The following HEATR6 variants were observed in gnomAD, a reference collection of about 807,000 sequenced individuals.
HEATR6 encodes the protein HEAT repeat-containing protein 6.
A neutral mutation model predicts 132.8 loss-of-function variants in HEATR6; 106 were observed. The ratio of observed to expected loss-of-function variants is 0.80; its 90% CI spans 0.68 to 0.94. HEATR6 has a LOEUF of 0.94. Ranked by LOEUF, HEATR6 falls within the 40% of genes least tolerant of loss-of-function variation. The pLI is 0.00. For synonymous variants in HEATR6, 529 were observed against 537.8 expected, an observed-to-expected ratio of 0.98 and a Z score of 0.23; for missense variants, 1,339 against 1,425.1, an observed-to-expected ratio of 0.94 and a Z score of 0.97.
chr17:60,077,000 G>A (rs535822239), intron 1 of HEATR6, among the ~76,000 whole-genome samples: 4 of 150,282 alleles, frequency 2.7e-5, no homozygotes, highest in Non-Finnish European at 4.4e-5. Context: ...TTCATCCATC[G>A]ATGTTTATAG....
rs1240042852 is a variant in HEATR6, at chr17:60,046,202, C to G, written c.2797G>C (p.Gly933Arg). 1 of 1,613,546 alleles carries G rather than the reference C, an allele frequency of 6.2e-7. No homozygotes were observed. ...GGTTGCAGAAAATGAAGCAAATTTC[C>G]AAGGGCCCGGACTGCATTGCTTTTT... ...KVKSNAVRAL[G>R]NLLHFLQPSH... Residue 933 changes from glycine (G) to arginine (R), a missense_variant, in exon 19 of 20, where the codon GGA becomes CGA. Gly to Arg is a moderately radical substitution (Grantham distance 125). Coordinates refer to ENST00000184956, the MANE Select transcript of HEATR6 (RefSeq NM_022070.5).
intron 9 of HEATR6, among the ~76,000 whole-genome samples, chr17:60,060,850 T>C (rs1598912515): frequency 6.6e-6 from 1 of 152,184 alleles, no homozygotes; most frequent in East Asian, 1.9e-4. Context: ...AGGAATACCA[T>C]TAAGTACAAT....
At chr17:60,068,737 T>C (rs1325951004) in intron 7 of HEATR6, among the ~76,000 whole-genome samples, 1 of 151,954 alleles carries the variant, frequency 6.6e-6, no homozygotes, top group East Asian at 1.9e-4. Context: ...TCATTCCTCC[T>C]TGTCTGTACT....
rs113178286 is a variant in HEATR6, at chr17:60,042,860, C to T, written c.*703G>A. Among the ~76,000 whole-genome samples the T allele has an allele frequency of 8.5e-5, 5 of 58,664 alleles. No individual in the cohort carries two copies. The highest frequency in any genetic ancestry group is 5.3e-4 in the East Asian group (1 of 1,898). 38.5% of individuals were successfully genotyped at this position (58,664 alleles called of 152,430 possible). Reference sequence around the variant, plus strand: ...TCGGTCCTGTGCGGCTGTGAGGCACCGTCAGCATCCTCGCGTCCTGTGTGG... The same window carrying T: ...TCGGTCCTGTGCGGCTGTGAGGCACTGTCAGCATCCTCGCGTCCTGTGTGG... On this transcript the variant is annotated 3_prime_UTR_variant, in exon 20 of 20. Transcript: ENST00000184956.
intron 8 of HEATR6, 39 bp from the exon 9 acceptor site, chr17:60,066,425 A>C: frequency 6.9e-7 from 1 of 1,455,296 alleles, no homozygotes; most frequent in Non-Finnish European, 9.3e-7. Context: ...ACACTTAAAA[A>C]ATCATTTTTT....
intron 9 of HEATR6, among the ~76,000 whole-genome samples, chr17:60,064,170 A>C (rs887560779): frequency 6.6e-6 from 1 of 152,122 alleles, no homozygotes; most frequent in Non-Finnish European, 1.5e-5. Flanking sequence ...TTAGCCAGGC[A>C]TGGTGGTGCA....
chr17:60,073,782 T>G lies in HEATR6; in HGVS notation c.432A>C (p.Ala144=). The change falls in exon 3 of 20, where the codon GCA becomes GCC. Residue 144 remains alanine, a synonymous_variant. Coordinates refer to ENST00000184956, the MANE Select transcript of HEATR6 (RefSeq NM_022070.5). ...TGGAGCCATTGCAGTACACCAGAGC[T>G]GCCAGGGCTTGAAGAATTTCCCTGT... ...WTHREILQAL[A]ALVYCNGSKC... is the part of the protein sequence containing the mutation. The G allele has an allele frequency of 3.7e-6, 6 of 1,614,128 alleles. No individual in the cohort carries two copies. Among genetic ancestry groups the G allele is most frequent in the Non-Finnish European group, 5.1e-6 (6 of 1,179,984 alleles).
intron 6 of HEATR6, among the ~76,000 whole-genome samples, 186 bp from the exon 7 acceptor site, chr17:60,070,034 A>C (rs948089797): frequency 1.7e-4 from 26 of 152,244 alleles, no homozygotes; most frequent in Admixed American, 2.6e-4. Context: ...CATAGGGCTT[A>C]AAGAAGAGCT....
chr17:60,073,915 A>G, intron 2 of HEATR6, 29 bp from the exon 3 acceptor site: 1 of 1,601,072 alleles, frequency 6.2e-7, no homozygotes, highest in Non-Finnish European at 8.5e-7. Flanking sequence ...ATATATTCTG[A>G]TCTAACTTTT....
Position 60,059,943 on chromosome 17 carries a change from A to C in HEATR6, c.1570T>G (p.Leu524Val), listed in dbSNP as rs1200361277. 1.2e-6 allele frequency: 2 copies of C among 1,613,878 alleles called. No individual in the cohort carries two copies. The highest frequency in any genetic ancestry group is 2.2e-5 in the East Asian group (1 of 44,878). ...GATGACTCCGCCACCAAAGCTAACA[A>C]AAGACATCTGTGCAACTCTCTAATG... Reference protein sequence around the residue: ...CSIRELHRCLLLALVAESSSQ... With the variant: ...CSIRELHRCLVLALVAESSSQ... The change falls in exon 10 of 20, where the codon TTG (leucine) becomes GTG (valine). Residue 524 changes from leucine (L) to valine (V), a missense_variant. Leu to Val is a conservative substitution (Grantham distance 32). Transcript: ENST00000184956.
intron 2 of HEATR6, chr17:60,074,099 A>G: frequency 7.9e-7 from 1 of 1,265,868 alleles, no homozygotes; most frequent in Non-Finnish European, 9.9e-7. Flanking sequence ...CTTCCTCTTT[A>G]GTAAAGTAGA....
Position 60,059,434 on chromosome 17 carries a change from T to C in HEATR6, c.1711A>G (p.Ile571Val), listed in dbSNP as rs781116023. 6.2e-7 allele frequency: 1 copy of C among 1,610,882 alleles called. No individual in the cohort carries two copies. The highest frequency in any genetic ancestry group is 1.1e-5 in the South Asian group (1 of 90,786). ...TKVWNQIKPYIRHKDVNVRVS... is the reference protein window; with the variant it reads ...TKVWNQIKPYVRHKDVNVRVS... Reference sequence around the variant, plus strand: ...AGCCACTACAAACCTTTGTGGCGAATATAAGGCTTTATCTGGTTCCAGACT... The same window carrying C: ...AGCCACTACAAACCTTTGTGGCGAACATAAGGCTTTATCTGGTTCCAGACT... The change falls in exon 11 of 20, where the codon ATT becomes GTT. Residue 571 changes from isoleucine to valine, a missense_variant. Coordinates refer to ENST00000184956, the MANE Select transcript of HEATR6 (RefSeq NM_022070.5).
intron 1 of HEATR6, among the ~76,000 whole-genome samples, chr17:60,077,248 G>A (rs1258247571): frequency 6.6e-6 from 1 of 152,186 alleles, no homozygotes; most frequent in East Asian, 1.9e-4. Context: ...AATCTGGAAT[G>A]ATTTGAAGGA....
intron 2 of HEATR6, 111 bp downstream of exon 2, chr17:60,076,019 A>G: frequency 5.0e-6 from 3 of 604,492 alleles, no homozygotes; most frequent in Non-Finnish European, 8.7e-6. Context: ...TGCTTTTCCT[A>G]TAGCATCTCA....
In HEATR6 at chr17:60,073,284, G is replaced by C; in HGVS notation, c.469-5C>G. The C allele has an allele frequency of 1.3e-6, 2 of 1,514,082 alleles. No individual in the cohort carries two copies. The highest frequency in any genetic ancestry group is 1.8e-6 in the Non-Finnish European group (2 of 1,089,358). 93.8% of individuals were successfully genotyped at this position (1,514,082 alleles called of 1,614,324 possible). A position where few individuals can be genotyped will look rare whatever the true frequency, so the allele number is the denominator to read the frequency against. On this transcript the variant is annotated splice_region_variant and splice_polypyrimidine_tract_variant and intron_variant, in intron 3 of 19. Coordinates refer to ENST00000184956, the MANE Select transcript of HEATR6 (RefSeq NM_022070.5). Reference sequence around the variant, plus strand: ...GCCTAGCAGCTCTGGGAGGTACTAAGAAAAATAAGAGTCAATGTAGGTCAA... The same window carrying C: ...GCCTAGCAGCTCTGGGAGGTACTAACAAAAATAAGAGTCAATGTAGGTCAA...
chr17:60,071,258 T>C (rs2083268765), intron 5 of HEATR6, among the ~76,000 whole-genome samples: 2 of 152,218 alleles, frequency 1.3e-5, no homozygotes, highest in Admixed American at 6.5e-5. Context: ...CTGACCAAGA[T>C]TGATTTCTTG....
chr17:60,076,493 G>A, intron 1 of HEATR6: 1 of 383,668 alleles, frequency 2.6e-6, no homozygotes, highest in East Asian at 4.9e-5. Context: ...TTGAGCCCAG[G>A]AGTCCAAGAC....
intron 3 of HEATR6, 111 bp downstream of exon 3, chr17:60,073,635 T>C (rs144786462): frequency 0.01 from 10,750 of 1,042,738 alleles, 104 homozygotes; most frequent in Non-Finnish European, 0.012. Flanking sequence ...CCCAGAGTGG[T>C]TGAATAAGAA....
At chr17:60,047,082 A>G (rs1906391245) in intron 18 of HEATR6, among the ~76,000 whole-genome samples, 2 of 152,066 alleles carry the variant, frequency 1.3e-5, no homozygotes, top group African/African-American at 2.4e-5. Flanking sequence ...TATGTCATGT[A>G]GTATTACAAT....
Sources: allele counts gnomAD v4.1 joint callset (sites outside exome capture counted in the v4.1 genomes callset), GRCh38; gene constraint gnomAD v4.1.1; transcripts MANE v1.5; gene names NCBI Gene and HGNC (gene_info 2026-07-23, HGNC 2026-07-21).